The following RALGPS1 variants were observed in gnomAD, a reference collection of about 807,000 sequenced individuals.
The protein encoded by RALGPS1 is Ral GEF with PH domain and SH3 binding motif 1, also known as ras-specific guanine nucleotide-releasing factor RalGPS1.
Under a neutral mutation model 78.8 loss-of-function variants are expected in RALGPS1, and 19 were observed. The observed-to-expected ratio is 0.24, with a 90% CI of 0.17 to 0.35. RALGPS1 has a LOEUF of 0.35. Among genes scored for constraint, RALGPS1 ranks in the 10% least tolerant of loss-of-function variants. The probability of loss-of-function intolerance (pLI) is 1.00; values close to 1 mark genes in which losing one functional copy is unlikely to be tolerated. For synonymous variants in RALGPS1, 228 were observed against 256.3 expected, an observed-to-expected ratio of 0.89 and a Z score of 1.06; for missense variants, 454 against 688.3, an observed-to-expected ratio of 0.66 and a Z score of 3.81.
chr9:127,034,503 A>T lies in RALGPS1; in HGVS notation c.289A>T (p.Arg97Trp). The change falls in exon 5 of 19, where the codon AGG (arginine) becomes TGG (tryptophan). Residue 97 changes from arginine (R) to tryptophan (W), a missense_variant. Arg to Trp is a moderately radical substitution (Grantham distance 101). Transcript: ENST00000259351. ...LAPNVVAFTR[R>W]FNQVSFWVVR... ...CCCTAACGTTGTGGCCTTTACCCGG[A>T]GGTTTAACCAGGTAAGCAACACCCC... 6.2e-7 allele frequency: 1 copy of T among 1,613,878 alleles called. No homozygotes were observed.
At chr9:126,939,489 G>A (rs562903444) in intron 1 of RALGPS1, among the ~76,000 whole-genome samples, 1 of 152,324 alleles carries the variant, frequency 6.6e-6, no homozygotes, top group East Asian at 1.9e-4. Context: ...CACATATAGA[G>A]CACTTAGACG....
At position 127,195,081 on chromosome 9, in the gene RALGPS1, C is replaced by T; in HGVS notation, c.911-10C>T. On this transcript the variant is annotated splice_polypyrimidine_tract_variant and intron_variant, in intron 11 of 18. Transcript: ENST00000259351. ...AACCCCCGTTGTTGCTCTCTCTGCT[C>T]TGTTTGCAGGTCCCTCTGCTGGCTC... 6.2e-7 allele frequency: 1 copy of T among 1,613,172 alleles called. No individual in the cohort carries two copies. Among genetic ancestry groups the T allele is most frequent in the East Asian group, 2.2e-5 (1 of 44,870 alleles).
At chr9:127,011,837 T>C (rs1246020697) in intron 4 of RALGPS1, among the ~76,000 whole-genome samples, 3 of 152,122 alleles carry the variant, frequency 2.0e-5, no homozygotes, top group Admixed American at 2.0e-4. Context: ...TCTTACAGAG[T>C]GGTCCTGGCA....
chr9:126,935,516 A>C (rs2131278013), intron 1 of RALGPS1, among the ~76,000 whole-genome samples: 1 of 152,178 alleles, frequency 6.6e-6, no homozygotes, highest in Non-Finnish European at 1.5e-5. Flanking sequence ...TGGTAGCCTC[A>C]CTCTTCCGTC....
At chr9:127,145,145 T>C (rs1441619290) in intron 8 of RALGPS1, among the ~76,000 whole-genome samples, 2 of 152,224 alleles carry the variant, frequency 1.3e-5, no homozygotes, top group Admixed American at 6.5e-5. Flanking sequence ...TATTTCATTG[T>C]TGAAATCCAC....
intron 8 of RALGPS1, among the ~76,000 whole-genome samples, chr9:127,155,550 A>C (rs1267553026): frequency 6.6e-6 from 1 of 152,206 alleles, no homozygotes; most frequent in Non-Finnish European, 1.5e-5. Flanking sequence ...TGTGGGGCAG[A>C]GCCCAGAAAC....
At chr9:126,978,606 CA>C (rs57764057) in intron 4 of RALGPS1, among the ~76,000 whole-genome samples, 11,683 of 110,472 alleles carry the variant, frequency 0.11, 961 homozygotes, top group African/African-American at 0.28. Context: ...GAGACTCTGT[CA>C]AAAAAAAAAA....
At chr9:127,056,727 T>C (rs913261943) in intron 7 of RALGPS1, among the ~76,000 whole-genome samples, 3 of 152,230 alleles carry the variant, frequency 2.0e-5, no homozygotes, top group African/African-American at 7.2e-5. Flanking sequence ...TTTGACTGCA[T>C]TCCTCATCGA....
At chr9:127,145,127 C>A (rs1192152002) in intron 8 of RALGPS1, among the ~76,000 whole-genome samples, 1 of 152,182 alleles carries the variant, frequency 6.6e-6, no homozygotes, top group Non-Finnish European at 1.5e-5. Flanking sequence ...GACACTCCAG[C>A]TGGGTTGTAT....
At chr9:127,030,423 AGG>A (rs2046328526) in intron 4 of RALGPS1, among the ~76,000 whole-genome samples, 1 of 152,176 alleles carries the variant, frequency 6.6e-6, no homozygotes, top group Non-Finnish European at 1.5e-5. Context: ...CAGTGTGCAA[AGG>A]CAAGGCAGAG....
chr9:127,055,424 C>A (rs1178730930), intron 7 of RALGPS1, among the ~76,000 whole-genome samples: 3 of 152,194 alleles, frequency 2.0e-5, no homozygotes, highest in Non-Finnish European at 4.4e-5. Context: ...TGCTATGTTG[C>A]CCAGGCTGGT....
chr9:127,016,586 A>G (rs144396531), intron 4 of RALGPS1: 7 of 152,310 alleles, frequency 4.6e-5, no homozygotes, highest in Non-Finnish European at 7.4e-5. Context: ...CATTCTACCT[A>G]TAACCCGAGG....
At chr9:127,066,572 CAG>C (rs2049726360) in intron 7 of RALGPS1, among the ~76,000 whole-genome samples, 1 of 152,244 alleles carries the variant, frequency 6.6e-6, no homozygotes, top group East Asian at 1.9e-4. Context: ...ACCCAGGAGT[CAG>C]GGGTTGCAGT....
chr9:127,184,324 A>AAG, intron 11 of RALGPS1: 1 of 265,954 alleles, frequency 3.8e-6, no homozygotes, highest in Non-Finnish European at 7.2e-6. Flanking sequence ...TGTCTCAGGA[A>AAG]AAAAAAAAAA....
chr9:127,217,220 A>C (rs1020832080), intron 18 of RALGPS1: 24 of 1,220,740 alleles, frequency 2.0e-5, no homozygotes, highest in Non-Finnish European at 8.2e-6. Flanking sequence ...TTTTTGTCTG[A>C]TTTTCAGACC....
intron 8 of RALGPS1, among the ~76,000 whole-genome samples, chr9:127,129,500 A>AAAT (rs2056862518): frequency 1.3e-5 from 2 of 152,192 alleles, no homozygotes; most frequent in African/African-American, 4.8e-5. Context: ...TCCAAAGACC[A>AAAT]GCCAAGCTGT....
At chr9:127,028,633 C>G (rs1161381449) in intron 4 of RALGPS1, among the ~76,000 whole-genome samples, 1 of 152,218 alleles carries the variant, frequency 6.6e-6, no homozygotes, top group Admixed American at 6.5e-5. Flanking sequence ...GATTTTCAGC[C>G]CCTGCACCCA....
At chr9:127,136,701 C>G (rs973385188) in intron 8 of RALGPS1, among the ~76,000 whole-genome samples, 2 of 152,194 alleles carry the variant, frequency 1.3e-5, no homozygotes, top group Non-Finnish European at 2.9e-5. Flanking sequence ...CCACCATCAC[C>G]TCACCTTCAT....
chr9:127,052,860 T>C lies in RALGPS1; in HGVS notation c.404T>C (p.Leu135Pro). 1 of 1,607,030 alleles carries C rather than the reference T, an allele frequency of 6.2e-7. No homozygotes were observed. Among genetic ancestry groups the C allele is most frequent in the Admixed American group, 1.7e-5 (1 of 59,992 alleles). ...FVKIAKKLLE[L>P]NNLHSLMSVV... The stretch of plus-strand genomic sequence containing the variant: ...TCTTTTTTTCAGAAACTTCTAGAAC[T>C]CAACAACCTTCATTCTCTCATGTCT... Residue 135 changes from leucine (L) to proline (P), a missense_variant, in exon 7 of 19, where the codon CTC becomes CCC. By Grantham distance (98) the Leu-to-Pro change is moderately conservative (BLOSUM62 -3). Coordinates refer to ENST00000259351, the MANE Select transcript of RALGPS1 (RefSeq NM_014636.3).
Sources: allele counts gnomAD v4.1 joint callset (sites outside exome capture counted in the v4.1 genomes callset), GRCh38; gene constraint gnomAD v4.1.1; transcripts MANE v1.5; gene names NCBI Gene and HGNC (gene_info 2026-07-23, HGNC 2026-07-21).